The following SHISA6 variants were observed in gnomAD, a reference collection of about 807,000 sequenced individuals.
SHISA6 encodes the protein protein shisa-6.
A neutral mutation model predicts 47.9 loss-of-function variants in SHISA6; 22 were observed. That is an observed-to-expected ratio of 0.46 (90% CI 0.33 to 0.66). The LOEUF (loss-of-function observed/expected upper bound fraction) is 0.66. Among genes scored for constraint, SHISA6 ranks in the 30% least tolerant of loss-of-function variants. The pLI is 0.02. For synonymous variants in SHISA6, 388 were observed against 337.8 expected (o/e 1.15, Z -1.63); for missense variants, 680 against 764.6 (o/e 0.89, Z 1.30).
chr17:11,526,616 G>A (rs1332886215), intron 3 of SHISA6, among the ~76,000 whole-genome samples: 1 of 151,974 alleles, frequency 6.6e-6, no homozygotes, highest in Admixed American at 6.6e-5. Flanking sequence ...CTTCCCCGAT[G>A]GTTCATCTGG....
intron 3 of SHISA6, among the ~76,000 whole-genome samples, chr17:11,400,409 G>T (rs144856100): frequency 1.3e-5 from 2 of 152,102 alleles, no homozygotes; most frequent in Non-Finnish European, 2.9e-5. Flanking sequence ...CATAACTTCT[G>T]CTTCATTCTT....
At chr17:11,506,859 C>T (rs1255360828) in intron 3 of SHISA6, among the ~76,000 whole-genome samples, 1 of 152,156 alleles carries the variant, frequency 6.6e-6, no homozygotes, top group African/African-American at 2.4e-5. Context: ...CAACTGACTC[C>T]CAGGCTATTA....
intron 3 of SHISA6, among the ~76,000 whole-genome samples, chr17:11,449,271 G>A (rs1054926207): frequency 2.0e-5 from 3 of 151,824 alleles, no homozygotes; most frequent in South Asian, 2.1e-4. Flanking sequence ...GTGAAACCTC[G>A]TCTCTACTAA....
chr17:11,469,018 C>CAAAAA (rs61191316), intron 3 of SHISA6, among the ~76,000 whole-genome samples: 29 of 46,056 alleles, frequency 6.3e-4, no homozygotes, highest in East Asian at 2.7e-3. Context: ...GACTCCGTCT[C>CAAAAA]AAAAAAAAAA....
At chr17:11,258,993 T>A (rs1232109238) in intron 1 of SHISA6, among the ~76,000 whole-genome samples, 1 of 151,320 alleles carries the variant, frequency 6.6e-6, no homozygotes, top group Non-Finnish European at 1.5e-5. Context: ...GGATGGAGAG[T>A]TGGATGGAAG....
At chr17:11,543,710 A>T (rs1485840638) in intron 3 of SHISA6, among the ~76,000 whole-genome samples, 1 of 152,112 alleles carries the variant, frequency 6.6e-6, no homozygotes, top group Non-Finnish European at 1.5e-5. Context: ...TTCAAGAAAT[A>T]TCATATAGCA....
intron 3 of SHISA6, among the ~76,000 whole-genome samples, chr17:11,546,291 CTAG>C (rs1377641676): frequency 6.6e-6 from 1 of 152,118 alleles, no homozygotes; most frequent in Non-Finnish European, 1.5e-5. Context: ...CATACTTGGT[CTAG>C]TAGCCCTGAC....
rs149856154 is a variant in SHISA6, at chr17:11,526,880, CATATAT to C, written c.896-24965_896-24960del. 6.8e-3 allele frequency among the ~76,000 whole-genome samples: 742 copies of C among 108,702 alleles called. 4 individuals are homozygous for C. Among genetic ancestry groups the C allele is most frequent in the Non-Finnish European group, 8.3e-3 (408 of 49,056 alleles). The allele number at this position is 108,702 out of a possible 152,430, so 71.3% of individuals were successfully genotyped here. On this transcript the variant is annotated intron_variant, in intron 3 of 5. Transcript: ENST00000441885. ...CTTGATGCCTCAAGCTATCTATCATCATATATATATATATATATATATATATATATA... is the reference window on the plus strand; with the variant it reads ...CTTGATGCCTCAAGCTATCTATCATCATATATATATATATATATATATATA...
intron 3 of SHISA6, among the ~76,000 whole-genome samples, chr17:11,493,515 C>G (rs1467510166): frequency 6.6e-6 from 1 of 152,266 alleles, no homozygotes; most frequent in African/African-American, 2.4e-5. Flanking sequence ...GCATGAGCCA[C>G]TGTGCCAGGC....
At chr17:11,343,574 C>G (rs546916375) in intron 2 of SHISA6, among the ~76,000 whole-genome samples, 1 of 152,320 alleles carries the variant, frequency 6.6e-6, no homozygotes, top group Admixed American at 6.5e-5. Context: ...GGATGCTGAA[C>G]TGGGGGGCGT....
At chr17:11,544,506 G>A (rs909338265) in intron 3 of SHISA6, among the ~76,000 whole-genome samples, 10 of 151,992 alleles carry the variant, frequency 6.6e-5, no homozygotes, top group Admixed American at 1.3e-4. Flanking sequence ...ATGAGATATC[G>A]CTACATACCT....
chr17:11,333,404 C>G (rs1341311749), intron 2 of SHISA6, among the ~76,000 whole-genome samples: 1 of 152,280 alleles, frequency 6.6e-6, no homozygotes, highest in East Asian at 1.9e-4. Flanking sequence ...GGAACTTTTA[C>G]CACCCCCTGC....
At chr17:11,311,279 CAAAA>C (rs200852475) in intron 2 of SHISA6, among the ~76,000 whole-genome samples, 2 of 52,422 alleles carry the variant, frequency 3.8e-5, no homozygotes, top group Non-Finnish European at 8.0e-5. Flanking sequence ...AAGACTTCGT[CAAAA>C]AAAAAAAAAA....
At chr17:11,298,479 C>T (rs1454908480) in intron 2 of SHISA6, among the ~76,000 whole-genome samples, 6 of 152,184 alleles carry the variant, frequency 3.9e-5, no homozygotes, top group Non-Finnish European at 7.3e-5. Context: ...AAGAGAAACA[C>T]AGCTAGAGCC....
intron 2 of SHISA6, among the ~76,000 whole-genome samples, chr17:11,278,113 G>A (rs1351543801): frequency 2.6e-5 from 4 of 152,194 alleles, no homozygotes; most frequent in Non-Finnish European, 5.9e-5. Flanking sequence ...GTGAGCTGCT[G>A]TGGCTGTCCT....
chr17:11,422,998 G>A (rs1432132560), intron 3 of SHISA6, among the ~76,000 whole-genome samples: 7 of 148,028 alleles, frequency 4.7e-5, no homozygotes, highest in Non-Finnish European at 3.0e-5. Context: ...TAGATTCCAG[G>A]AAAAAAAAAA....
chr17:11,462,044 G>A (rs926611535), intron 3 of SHISA6, among the ~76,000 whole-genome samples: 1 of 152,164 alleles, frequency 6.6e-6, no homozygotes, highest in African/African-American at 2.4e-5. Context: ...TTAGAGAAAT[G>A]CAAGAAATTT....
intron 3 of SHISA6, among the ~76,000 whole-genome samples, chr17:11,458,245 G>A (rs890632076): frequency 1.3e-5 from 2 of 152,170 alleles, no homozygotes; most frequent in Non-Finnish European, 2.9e-5. Context: ...TTTCTCATCT[G>A]TAGGTGGTGA....
At chr17:11,355,021 A>T (rs1416717633) in intron 2 of SHISA6, among the ~76,000 whole-genome samples, 3 of 152,202 alleles carry the variant, frequency 2.0e-5, no homozygotes, top group Non-Finnish European at 2.9e-5. Context: ...TAGGCAGGGC[A>T]TTATCTCCCA....
Sources: gnomAD v4.1 joint callset for allele counts (sites outside exome capture counted in the v4.1 genomes callset) on GRCh38, gnomAD v4.1.1 for gene constraint, MANE v1.5 for transcripts, NCBI Gene and HGNC (gene_info 2026-07-23, HGNC 2026-07-21) for gene names.